The following FSIP1 variants were observed in gnomAD, a reference collection of about 807,000 sequenced individuals.
FSIP1 encodes the protein fibrous sheath-interacting protein 1.
Under a neutral mutation model 60.9 loss-of-function variants are expected in FSIP1, and 65 were observed. The ratio of observed to expected loss-of-function variants is 1.07; its 90% CI spans 0.87 to 1.31. The LOEUF (loss-of-function observed/expected upper bound fraction) is 1.31, where lower values mean the gene tolerates loss of function less well. Among genes scored for constraint, FSIP1 ranks in the 40% most tolerant of loss-of-function variants. The pLI is 0.00. For synonymous variants in FSIP1, 209 were observed against 221.2 expected (o/e 0.94, Z 0.49); for missense variants, 675 against 665.5 (o/e 1.01, Z -0.16).
intron 1 of FSIP1, among the ~76,000 whole-genome samples, chr15:39,782,412 C>G (rs1469322548): frequency 6.6e-6 from 1 of 152,194 alleles, no homozygotes; most frequent in Non-Finnish European, 1.5e-5. Context: ...GTTACAGGTC[C>G]TAATGTTAGG....
intron 5 of FSIP1, among the ~76,000 whole-genome samples, chr15:39,758,283 G>A (rs1897366017): frequency 6.6e-6 from 1 of 152,092 alleles, no homozygotes; most frequent in Non-Finnish European, 1.5e-5. Flanking sequence ...ACTGGGTAGT[G>A]AACTCTGTGA....
chr15:39,739,247 G>A (rs1332040205), intron 7 of FSIP1, among the ~76,000 whole-genome samples: 1 of 152,100 alleles, frequency 6.6e-6, no homozygotes, highest in Non-Finnish European at 1.5e-5. Flanking sequence ...CTGCTGCTCT[G>A]CCAGGAGCAT....
At chr15:39,772,669 C>A (rs1487467125) in intron 2 of FSIP1, among the ~76,000 whole-genome samples, 1 of 151,808 alleles carries the variant, frequency 6.6e-6, no homozygotes, top group Non-Finnish European at 1.5e-5. Flanking sequence ...CGGCTCACTG[C>A]AGCCTCCATC....
At chr15:39,757,677 GA>G (rs1287750215) in intron 5 of FSIP1, among the ~76,000 whole-genome samples, 1 of 151,964 alleles carries the variant, frequency 6.6e-6, no homozygotes, top group Non-Finnish European at 1.5e-5. Flanking sequence ...TTTCATTAAG[GA>G]ATTTGGCTTT....
At chr15:39,618,788 A>G (rs748351824) in intron 10 of FSIP1, among the ~76,000 whole-genome samples, 20 of 152,126 alleles carry the variant, frequency 1.3e-4, no homozygotes, top group East Asian at 5.8e-4. Context: ...ATTTAAAAAC[A>G]TTTTTTTTCT....
chr15:39,681,295 T>C (rs1284615633), intron 10 of FSIP1, among the ~76,000 whole-genome samples: 7 of 151,236 alleles, frequency 4.6e-5, no homozygotes, highest in Non-Finnish European at 1.0e-4. Flanking sequence ...TTTGGTTTTT[T>C]GTTTTTTGTT....
chr15:39,759,153 A>C (rs1164391500), intron 5 of FSIP1, among the ~76,000 whole-genome samples: 1 of 152,110 alleles, frequency 6.6e-6, no homozygotes, highest in East Asian at 1.9e-4. Context: ...ATGATAACAT[A>C]AAAGAAATGA....
intron 10 of FSIP1, among the ~76,000 whole-genome samples, chr15:39,658,254 T>A (rs977141910): frequency 2.2e-4 from 3 of 13,398 alleles, no homozygotes; most frequent in Admixed American, 1.3e-3. Flanking sequence ...AGACATGATT[T>A]TTTTTTTTTT....
intron 10 of FSIP1, among the ~76,000 whole-genome samples, chr15:39,672,998 G>A (rs576606428): frequency 1.3e-5 from 2 of 152,242 alleles, no homozygotes; most frequent in African/African-American, 4.8e-5. Context: ...TCTAAAATGA[G>A]GGCCATTAAT....
chr15:39,642,534 A>T (rs1892415658), intron 10 of FSIP1, among the ~76,000 whole-genome samples: 1 of 152,202 alleles, frequency 6.6e-6, no homozygotes, highest in Admixed American at 6.5e-5. Flanking sequence ...AGAATGCTGC[A>T]TGGGGTAGGA....
At chr15:39,637,618 G>A (rs1036232163) in intron 10 of FSIP1, among the ~76,000 whole-genome samples, 7 of 152,270 alleles carry the variant, frequency 4.6e-5, no homozygotes, top group African/African-American at 1.7e-4. Context: ...CATTAGTACC[G>A]AGTGGGTATT....
intron 10 of FSIP1, among the ~76,000 whole-genome samples, chr15:39,619,908 A>C (rs1420569790): frequency 6.6e-6 from 1 of 152,156 alleles, no homozygotes; most frequent in African/African-American, 2.4e-5. Context: ...TAGGGAAAAA[A>C]GGGTAGGAGG....
At chr15:39,653,242 T>C (rs995080866) in intron 10 of FSIP1, among the ~76,000 whole-genome samples, 1 of 151,054 alleles carries the variant, frequency 6.6e-6, no homozygotes, top group African/African-American at 2.4e-5. Flanking sequence ...GCACTTACCA[T>C]GAATGGAACT....
At chr15:39,720,137 C>T (rs943613418) in intron 9 of FSIP1, among the ~76,000 whole-genome samples, 2 of 152,128 alleles carry the variant, frequency 1.3e-5, no homozygotes, top group African/African-American at 2.4e-5. Flanking sequence ...TGGAACTATA[C>T]AAATCCCTGG....
chr15:39,714,413 A>G (rs1421555719), intron 9 of FSIP1, among the ~76,000 whole-genome samples: 1 of 151,514 alleles, frequency 6.6e-6, no homozygotes, highest in African/African-American at 2.4e-5. Context: ...AGTGATGGGC[A>G]GTAATGACAT....
chr15:39,630,085 T>C (rs571897678), intron 10 of FSIP1, among the ~76,000 whole-genome samples: 7 of 152,328 alleles, frequency 4.6e-5, no homozygotes, highest in African/African-American at 1.4e-4. Flanking sequence ...ATCTGAAATA[T>C]CTAATTACCC....
At chr15:39,730,634 G>A (rs1236789416) in intron 8 of FSIP1, among the ~76,000 whole-genome samples, 1 of 152,154 alleles carries the variant, frequency 6.6e-6, no homozygotes, top group African/African-American at 2.4e-5. Context: ...AAACCAAACA[G>A]TGTGTGAGTC....
chr15:39,639,404 C>T lies in FSIP1; in HGVS notation c.1189-21159G>A, dbSNP rs149455070. Among the ~76,000 whole-genome samples the T allele has an allele frequency of 1.8e-4, 28 of 152,126 alleles. No homozygotes were observed. In the East Asian group the frequency reaches 5.4e-3, roughly 29 times the overall value. Reference sequence around the variant, plus strand: ...AAGTGAAAAGCAATCTAGGAAACCACAAGCTTGGTCTGTAATTGAAACAAA... The same window carrying T: ...AAGTGAAAAGCAATCTAGGAAACCATAAGCTTGGTCTGTAATTGAAACAAA... On this transcript the variant is annotated intron_variant, in intron 10 of 11. Transcript: ENST00000350221.
chr15:39,773,449 G>C (rs1466046957), intron 2 of FSIP1, among the ~76,000 whole-genome samples: 1 of 152,158 alleles, frequency 6.6e-6, no homozygotes, highest in Admixed American at 6.5e-5. Context: ...TAGCTTAGTA[G>C]GTTCAAATAA....
Sources: allele counts gnomAD v4.1 joint callset (sites outside exome capture counted in the v4.1 genomes callset), GRCh38; gene constraint gnomAD v4.1.1; transcripts MANE v1.5; gene names NCBI Gene and HGNC (gene_info 2026-07-23, HGNC 2026-07-21).